IQCM: variants seen among roughly 807,000 people sequenced by gnomAD.
IQCM encodes IQ motif containing M.
A neutral mutation model predicts 57.6 loss-of-function variants in IQCM; 45 were observed. The observed-to-expected ratio is 0.78, with a 90% CI of 0.62 to 1.00. The LOEUF is 1.00. Ranked by LOEUF, IQCM falls within the 50% of genes least tolerant of loss-of-function variation. IQCM has a pLI of 0.00. For synonymous variants in IQCM, 148 were observed against 158.9 expected (o/e 0.93, Z 0.51); for missense variants, 468 against 511.6 (o/e 0.91, Z 0.82).
At chr4:149,450,236 G>A (rs975237540) in intron 12 of IQCM, among the ~76,000 whole-genome samples, 23 of 151,760 alleles carry the variant, frequency 1.5e-4, no homozygotes, top group Non-Finnish European at 1.8e-4. Context: ...TTAAATCTAA[G>A]ACCTCAAACT....
At chr4:149,734,150 C>T (rs1766717181) in intron 4 of IQCM, among the ~76,000 whole-genome samples, 1 of 151,910 alleles carries the variant, frequency 6.6e-6, no homozygotes. Flanking sequence ...ATAGTTCTTC[C>T]CTATTCCCCC....
chr4:149,628,393 C>T (rs1380284941), intron 7 of IQCM, among the ~76,000 whole-genome samples: 1 of 151,368 alleles, frequency 6.6e-6, no homozygotes, highest in Non-Finnish European at 1.5e-5. Context: ...ACAAAGAAAC[C>T]AAAAATGTAA....
intron 7 of IQCM, among the ~76,000 whole-genome samples, chr4:149,637,904 C>T (rs973325166): frequency 2.6e-5 from 4 of 152,048 alleles, no homozygotes; most frequent in Non-Finnish European, 5.9e-5. Context: ...ATTCACAACC[C>T]TGGAACAGAC....
intron 9 of IQCM, among the ~76,000 whole-genome samples, chr4:149,582,307 C>CAT (rs70965193): frequency 1.8e-4 from 16 of 88,152 alleles, no homozygotes; most frequent in East Asian, 4.1e-4. Context: ...ATGCTGTAGA[C>CAT]ATATATATAT....
intron 8 of IQCM, among the ~76,000 whole-genome samples, chr4:149,614,634 T>C (rs1242278162): frequency 6.6e-6 from 1 of 150,482 alleles, no homozygotes; most frequent in Non-Finnish European, 1.5e-5. Context: ...GGCATGGGTG[T>C]CCAGTTTTTT....
chr4:149,578,082 C>T (rs969064517), intron 9 of IQCM, among the ~76,000 whole-genome samples: 3 of 151,744 alleles, frequency 2.0e-5, no homozygotes, highest in African/African-American at 7.3e-5. Flanking sequence ...TATCCTGAAA[C>T]TTTGCTGAAG....
chr4:149,377,708 A>T (rs1222731238), intron 13 of IQCM, among the ~76,000 whole-genome samples: 3 of 152,154 alleles, frequency 2.0e-5, no homozygotes, highest in Non-Finnish European at 4.4e-5. Flanking sequence ...GTGATGTGCT[A>T]TACTAGCAAG....
chr4:149,476,893 TAAC>T (rs1410644221), intron 12 of IQCM, among the ~76,000 whole-genome samples: 1 of 152,132 alleles, frequency 6.6e-6, no homozygotes, highest in African/African-American at 2.4e-5. Context: ...ATTGGTACAA[TAAC>T]AACAACCTTT....
At chr4:149,762,936 A>C (rs1769677369) in intron 2 of IQCM, among the ~76,000 whole-genome samples, 1 of 152,058 alleles carries the variant, frequency 6.6e-6, no homozygotes, top group Non-Finnish European at 1.5e-5. Context: ...ACATATTTAC[A>C]TGAGGTGCAC....
chr4:149,606,153 C>T (rs1754756978), intron 8 of IQCM, among the ~76,000 whole-genome samples: 1 of 152,096 alleles, frequency 6.6e-6, no homozygotes, highest in Non-Finnish European at 1.5e-5. Flanking sequence ...GTTTGCAAGG[C>T]TTCAGCTGGG....
chr4:149,604,124 C>A (rs988737479), intron 8 of IQCM, among the ~76,000 whole-genome samples: 6 of 152,150 alleles, frequency 3.9e-5, no homozygotes, highest in African/African-American at 9.7e-5. Context: ...AGCTGACCAA[C>A]ACAAGGCCTA....
intron 9 of IQCM, among the ~76,000 whole-genome samples, chr4:149,582,670 T>C (rs1314586403): frequency 6.6e-6 from 1 of 151,492 alleles, no homozygotes; most frequent in Non-Finnish European, 1.5e-5. Flanking sequence ...TCAAAGTCTA[T>C]AATTCTGCAA....
intron 2 of IQCM, among the ~76,000 whole-genome samples, chr4:149,759,822 A>G (rs1769330190): frequency 6.6e-6 from 1 of 152,166 alleles, no homozygotes; most frequent in African/African-American, 2.4e-5. Context: ...CATTTAAACA[A>G]GCATTCAACT....
chr4:149,550,960 TGCCACATGTTA>T (rs1269462370), intron 11 of IQCM, among the ~76,000 whole-genome samples: 2 of 152,224 alleles, frequency 1.3e-5, no homozygotes, highest in East Asian at 3.8e-4. Flanking sequence ...ATTCTGTTTT[TGCCACATGTTA>T]GCCTATTCTC....
At chr4:149,712,935 G>A (rs1308143082) in intron 5 of IQCM, among the ~76,000 whole-genome samples, 1 of 152,030 alleles carries the variant, frequency 6.6e-6, no homozygotes, top group African/African-American at 2.4e-5. Context: ...ACAAATAAGG[G>A]GCCTTATCAG....
At position 149,733,247 on chromosome 4, in the gene IQCM, T is replaced by C; in HGVS notation, c.382A>G (p.Lys128Glu). ...ERCRPIDLIT[K>E]GQVKLDKIMT... is the part of the protein sequence containing the mutation. ...CTTCACTCCACCAAAAACTTACCTT[T>C]TGTAATTAGATCTATGGGCCTGCAT... Residue 128 changes from lysine to glutamate, a missense_variant, in exon 5 of 14, where the codon AAA (lysine) becomes GAA (glutamate). By Grantham distance (56) the Lys-to-Glu change is moderately conservative. Transcript: ENST00000636793. 1 of 1,231,706 alleles carries C rather than the reference T, an allele frequency of 8.1e-7. No homozygotes were observed. Among genetic ancestry groups the C allele is most frequent in the Non-Finnish European group, 1.0e-6 (1 of 987,634 alleles). 76.3% of individuals were successfully genotyped at this position (1,231,706 alleles called of 1,614,324 possible). A position where few individuals can be genotyped will look rare whatever the true frequency, so the allele number is the denominator to read the frequency against.
chr4:149,738,054 T>C (rs1767105547), intron 3 of IQCM, among the ~76,000 whole-genome samples: 1 of 152,334 alleles, frequency 6.6e-6, no homozygotes, highest in Middle Eastern at 3.4e-3. Context: ...CCATCATGTC[T>C]TATTTCAGAC....
intron 12 of IQCM, among the ~76,000 whole-genome samples, chr4:149,480,374 T>G (rs1217737017): frequency 6.6e-6 from 1 of 152,188 alleles, no homozygotes; most frequent in Non-Finnish European, 1.5e-5. Flanking sequence ...TTCTTTGTTT[T>G]TGTACCCATT....
intron 13 of IQCM, among the ~76,000 whole-genome samples, chr4:149,397,760 G>T (rs1295202928): frequency 6.6e-6 from 1 of 151,614 alleles, no homozygotes; most frequent in Non-Finnish European, 1.5e-5. Flanking sequence ...AGTTATTAGG[G>T]GTTTTTTTTC....
Sources: allele counts gnomAD v4.1 joint callset (sites outside exome capture counted in the v4.1 genomes callset), GRCh38; gene constraint gnomAD v4.1.1; transcripts MANE v1.5; gene names NCBI Gene and HGNC (gene_info 2026-07-23, HGNC 2026-07-21).